Variants in SPDYE1 observed in about 807,000 individuals in gnomAD.
The protein encoded by SPDYE1 is speedy/RINGO cell cycle regulator family member E1.
A neutral mutation model predicts 45.9 loss-of-function variants in SPDYE1; 29 were observed. That is an observed-to-expected ratio of 0.63 (90% CI 0.47 to 0.86). The LOEUF is 0.86. Ranked by LOEUF, SPDYE1 falls within the 40% of genes least tolerant of loss-of-function variation. SPDYE1 has a pLI of 0.00. For synonymous variants in SPDYE1, 134 were observed against 176.8 expected, an observed-to-expected ratio of 0.76 and a Z score of 1.92; for missense variants, 346 against 481.4, an observed-to-expected ratio of 0.72 and a Z score of 2.63.
At chr7:44,001,960 G>A (rs1452789400) in intron 3 of SPDYE1, among the ~76,000 whole-genome samples, 1 of 151,044 alleles carries the variant, frequency 6.6e-6, no homozygotes. Context: ...AAAAAAGAAG[G>A]AAGGGCGGGC....
intron 8 of SPDYE1, 91 bp downstream of exon 8, chr7:44,007,904 G>A: frequency 6.5e-7 from 1 of 1,539,230 alleles, no homozygotes; most frequent in Admixed American, 2.0e-5. Context: ...CTTCAAGCCT[G>A]GGCAACGTGG....
chr7:44,007,933 A>C (rs571724431), intron 8 of SPDYE1, 120 bp downstream of exon 8: 41 of 1,508,844 alleles, frequency 2.7e-5, no homozygotes, highest in Non-Finnish European at 3.4e-5. Flanking sequence ...CCTCTCCACA[A>C]AAATACAAAA....
At position 43,999,396 on chromosome 7, in the gene SPDYE1, TCTCTTGTACATGATAATCTCA is replaced by T. The variant is rs1342398787; in HGVS notation, c.-422-84_-422-64del. Among the ~76,000 whole-genome samples the T allele has an allele frequency of 1.2e-3, 158 of 129,810 alleles. 1 individual carries two copies. The highest frequency in any genetic ancestry group is 1.7e-3 in the Non-Finnish European group (98 of 58,242). The allele number at this position is 129,810 out of a possible 152,430, so 85.2% of individuals were successfully genotyped here. A position where few individuals can be genotyped will look rare whatever the true frequency, so the allele number is the denominator to read the frequency against. ...TTTCATCAAGTCAGTATTCCTGGGA[TCTCTTGTACATGATAATCTCA>T]CTCTTGTACATGATAATCTCACTCT... On this transcript the variant is annotated intron_variant, in intron 1 of 8. Coordinates refer to ENST00000693451, the MANE Select transcript of SPDYE1 (RefSeq NM_001378423.2).
chr7:44,002,774 G>A lies in SPDYE1; in HGVS notation c.564G>A (p.Ser188=), dbSNP rs1278841688. 7.1e-6 allele frequency: 11 copies of A among 1,557,744 alleles called. No individual in the cohort carries two copies. Among genetic ancestry groups the A allele is most frequent in the Middle Eastern group, 2.3e-4 (1 of 4,388 alleles). The change falls in exon 4 of 9, where the codon TCG becomes TCA. Residue 188 remains serine (S), a synonymous_variant. Coordinates refer to ENST00000693451, the MANE Select transcript of SPDYE1 (RefSeq NM_001378423.2). ...TGAAGCTGAAGCGACGGCGAGTGTC[G>A]CTCGTGCTCCCTGAGCACCACGAGG... ...LKMKLKRRRV[S]LVLPEHHEAF...
At chr7:44,007,246 G>A in intron 6 of SPDYE1, 22 bp from the exon 7 acceptor site, 2 of 1,612,310 alleles carry the variant, frequency 1.2e-6, no homozygotes, top group East Asian at 2.2e-5. Context: ...CCCCTGAGCA[G>A]CAACCTGATT....
At chr7:44,006,612 T>TA (rs2096071547) in intron 6 of SPDYE1, among the ~76,000 whole-genome samples, 1 of 151,146 alleles carries the variant, frequency 6.6e-6, no homozygotes, top group African/African-American at 2.4e-5. Flanking sequence ...CCTGGACAGT[T>TA]TGTTTGTTTG....
chr7:44,000,261 A>G (rs948228523), intron 2 of SPDYE1, among the ~76,000 whole-genome samples, 152 bp downstream of exon 2: 2 of 151,444 alleles, frequency 1.3e-5, no homozygotes, highest in African/African-American at 4.9e-5. Flanking sequence ...CAGCCTGGCC[A>G]ATATGGTGAA....
intron 1 of SPDYE1, among the ~76,000 whole-genome samples, 54 bp downstream of exon 1, chr7:43,998,013 G>C (rs986206022): frequency 1.7e-4 from 26 of 152,136 alleles, no homozygotes; most frequent in Non-Finnish European, 3.5e-4. Context: ...GGTTAAATCA[G>C]AGCTTTTCAT....
chr7:44,003,558 T>C (rs1358943695), intron 4 of SPDYE1, among the ~76,000 whole-genome samples: 1 of 152,024 alleles, frequency 6.6e-6, no homozygotes, highest in Non-Finnish European at 1.5e-5. Flanking sequence ...GGAATTCCTT[T>C]ATGACTCTGC....
At chr7:44,005,770 GGAAAA>G (rs1289536235) in intron 6 of SPDYE1, among the ~76,000 whole-genome samples, 1 of 152,064 alleles carries the variant, frequency 6.6e-6, no homozygotes, top group Non-Finnish European at 1.5e-5. Context: ...ACTCCTAAGG[GGAAAA>G]GAAAAGGAGT....
chr7:43,998,896 T>C (rs1349311606), intron 1 of SPDYE1, among the ~76,000 whole-genome samples: 2 of 141,996 alleles, frequency 1.4e-5, no homozygotes, highest in Non-Finnish European at 3.0e-5. Context: ...CCTATACTGG[T>C]CTTGAACTGC....
At chr7:44,001,377 C>T in intron 3 of SPDYE1, 93 bp downstream of exon 3, 2 of 1,551,690 alleles carry the variant, frequency 1.3e-6, no homozygotes, top group Non-Finnish European at 1.7e-6. Context: ...GAAAGATACG[C>T]CCCCAGTGGG....
Position 44,007,407 on chromosome 7 carries a change from G to A in SPDYE1, c.892G>A (p.Ala298Thr), listed in dbSNP as rs1458544551. 1 of 1,612,422 alleles carries A rather than the reference G, an allele frequency of 6.2e-7. No homozygotes were observed. Among genetic ancestry groups the A allele is most frequent in the Admixed American group, 1.7e-5 (1 of 59,794 alleles). Reference sequence around the variant, plus strand: ...GTTATACCGTTCCATGAACCCGAGGGCCAGGAAGAACCGCTCTCACATACC... The same window carrying A: ...GTTATACCGTTCCATGAACCCGAGGACCAGGAAGAACCGCTCTCACATACC... ...FQLYRSMNPR[A>T]RKNRSHIPLV... is the part of the protein sequence containing the mutation. Residue 298 changes from alanine to threonine, a missense_variant, in exon 7 of 9, where the codon GCC becomes ACC. Transcript: ENST00000693451.
chr7:43,999,565 A>AC lies in SPDYE1; in HGVS notation c.-381dup, dbSNP rs1405649596. 2.0e-5 allele frequency among the ~76,000 whole-genome samples: 3 copies of AC among 151,814 alleles called. No homozygotes were observed. Among genetic ancestry groups the AC allele is most frequent in the East Asian group, 1.9e-4 (1 of 5,176 alleles). ...AATGGGCACGTACAGAGACGAAGAG[A>AC]CCCCAACATGCTTCAGGCTTTGAGT... On this transcript the variant is annotated 5_prime_UTR_variant, in exon 2 of 9. It removes the in-frame stop codon of an upstream open reading frame in the 5' UTR. Coordinates refer to ENST00000693451, the MANE Select transcript of SPDYE1 (RefSeq NM_001378423.2).
rs774628086 is a variant in SPDYE1, at chr7:44,007,361, G to C, written c.846G>C (p.Leu282Phe). 3.7e-6 allele frequency: 6 copies of C among 1,613,194 alleles called. No homozygotes were observed. The highest frequency in any genetic ancestry group is 1.3e-5 in the African/African-American group (1 of 74,918). The change falls in exon 7 of 9, where the codon TTG (leucine) becomes TTC (phenylalanine). Residue 282 changes from leucine to phenylalanine, a missense_variant. Transcript: ENST00000693451. ...LYGKNRSRIP[L>F]LRKRRFQLYR... ...GGAAGAACCGCTCTCGCATACCCTT[G>C]CTCCGTAAGCGTCGGTTCCAGTTAT...
At chr7:44,005,798 A>G (rs917242844) in intron 6 of SPDYE1, among the ~76,000 whole-genome samples, 5 of 152,250 alleles carry the variant, frequency 3.3e-5, no homozygotes, top group Admixed American at 1.3e-4. Context: ...AGGAGCGGAC[A>G]TGCCACTTCC....
At chr7:44,001,378 C>T in intron 3 of SPDYE1, 94 bp downstream of exon 3, 1 of 1,551,510 alleles carries the variant, frequency 6.4e-7, no homozygotes, top group African/African-American at 1.4e-5. Flanking sequence ...AAAGATACGC[C>T]CCCAGTGGGT....
chr7:44,003,427 T>C (rs2096066754), intron 4 of SPDYE1, among the ~76,000 whole-genome samples: 2 of 152,370 alleles, frequency 1.3e-5, no homozygotes, highest in South Asian at 2.1e-4. Context: ...GTTTCAGCTG[T>C]GCCCTCTGAA....
intron 5 of SPDYE1, chr7:44,004,777 G>A: frequency 2.7e-6 from 1 of 374,492 alleles, no homozygotes; most frequent in Non-Finnish European, 5.2e-6. Flanking sequence ...TGAGCTCTGG[G>A]CCACAGTCTG....
Sources: gnomAD v4.1 joint callset for allele counts (sites outside exome capture counted in the v4.1 genomes callset) on GRCh38, gnomAD v4.1.1 for gene constraint, MANE v1.5 for transcripts, NCBI Gene and HGNC (gene_info 2026-07-23, HGNC 2026-07-21) for gene names.